MYO15A: variants seen among roughly 807,000 people sequenced by gnomAD.
MYO15A encodes the protein unconventional myosin-XV.
A neutral mutation model predicts 394.6 loss-of-function variants in MYO15A; 308 were observed. The observed-to-expected ratio is 0.78, with a 90% CI of 0.71 to 0.86. The LOEUF (loss-of-function observed/expected upper bound fraction) is 0.86. MYO15A is among the 40% of genes least tolerant of loss of function. MYO15A has a pLI of 0.00. For missense variants in MYO15A, 4,606 were observed against 4,799.1 expected (o/e 0.96, Z 1.19); for synonymous variants, 1,957 against 2,003.8 (o/e 0.98, Z 0.62).
chr17:18,173,507 C>G (rs1473371842), intron 64 of MYO15A: 1 of 483,522 alleles, frequency 2.1e-6, no homozygotes, highest in Non-Finnish European at 3.8e-6. Flanking sequence ...CAATACCTCT[C>G]TATCCCAAGC....
intron 12 of MYO15A, among the ~76,000 whole-genome samples, 182 bp from the exon 13 acceptor site, chr17:18,135,529 C>T (rs9907141): frequency 1.7e-4 from 26 of 151,966 alleles, no homozygotes; most frequent in African/African-American, 4.4e-4. Flanking sequence ...TTAGTAGAGA[C>T]GGGGTTTCTC....
intron 52 of MYO15A, 133 bp downstream of exon 52, chr17:18,158,771 C>T (rs2046728342): frequency 1.4e-6 from 2 of 1,380,622 alleles, no homozygotes; most frequent in Non-Finnish European, 2.1e-6. Flanking sequence ...AGGTGTGAGG[C>T]TCATTTCAGT....
At chr17:18,134,309 T>C (rs1454071650) in intron 12 of MYO15A, among the ~76,000 whole-genome samples, 29 of 152,226 alleles carry the variant, frequency 1.9e-4, no homozygotes, top group Admixed American at 1.9e-3. Flanking sequence ...TTTATGCAAA[T>C]TGTTTTAAAA....
At position 18,137,628 on chromosome 17, in the gene MYO15A, A is replaced by G. The variant is rs1275823677; in HGVS notation, c.4824A>G (p.Ala1608=). 1 of 1,614,102 alleles carries G rather than the reference A, an allele frequency of 6.2e-7. No individual in the cohort carries two copies. The highest frequency in any genetic ancestry group is 1.3e-5 in the African/African-American group (1 of 74,950). Residue 1608 remains alanine, a synonymous_variant, in exon 16 of 66, where the codon GCA becomes GCG. Transcript: ENST00000647165. ...TTGAGCAGCTGTGTATTAACTACGC[A>G]AACGAGAACCTTCAGTACCTTTTCA... is the stretch of plus-strand genomic sequence containing the variant. The part of the protein sequence containing the change: ...NSFEQLCINY[A]NENLQYLFNK...
At position 18,148,829 on chromosome 17, in the gene MYO15A, C is replaced by G; in HGVS notation, c.6833C>G (p.Ala2278Gly). ...MKNGVQWAEL[A>G]GHDYVLDLVS... The stretch of plus-strand genomic sequence containing the variant: ...AATGGTGTCCAGTGGGCAGAGCTGG[C>G]TGGCCACGACTACGTGTTAGACCTG... The change falls in exon 33 of 66, where the codon GCT becomes GGT. Residue 2278 changes from alanine to glycine, a missense_variant. Coordinates refer to ENST00000647165, the MANE Select transcript of MYO15A (RefSeq NM_016239.4). This position sits in a 1 kb window ranked among gnomAD's most constrained non-coding sequence, Gnocchi z 4.8. 1.2e-6 allele frequency: 2 copies of G among 1,605,936 alleles called. No homozygotes were observed. The highest frequency in any genetic ancestry group is 1.7e-6 in the Non-Finnish European group (2 of 1,176,140).
chr17:18,157,102 G>A, intron 49 of MYO15A, 37 bp downstream of exon 49: 2 of 1,612,600 alleles, frequency 1.2e-6, no homozygotes, highest in East Asian at 2.2e-5. Context: ...GCAGGAGGGG[G>A]AGGCTGGCCA....
intron 57 of MYO15A, 40 bp downstream of exon 57, chr17:18,161,487 C>G: frequency 6.2e-7 from 1 of 1,610,100 alleles, no homozygotes; most frequent in Non-Finnish European, 8.5e-7. Flanking sequence ...CTGCATGCTT[C>G]TCCCTTGGGG....
rs770606565 is a variant in MYO15A, at chr17:18,154,748, C to T, written c.8217C>T (p.Ala2739=). The change falls in exon 45 of 66, where the codon GCC becomes GCT. Residue 2739 remains alanine (A), a synonymous_variant. Transcript: ENST00000647165. The stretch of plus-strand genomic sequence containing the variant: ...AGGATGAGAGGCTCAGGATGAAGGC[C>T]TTGTTTGGTATCTCGGGGGAGAGGA... ...ISEDERLRMK[A]LFAQNQLDTQ... 3 of 1,613,580 alleles carry T rather than the reference C, an allele frequency of 1.9e-6. No homozygotes were observed. The highest frequency in any genetic ancestry group is 3.3e-4 in the Middle Eastern group (2 of 6,058).
At position 18,139,428 on chromosome 17, in the gene MYO15A, G is replaced by A. The variant is rs2046338462; in HGVS notation, c.5134-106G>A. 2.7e-5 allele frequency: 35 copies of A among 1,295,740 alleles called. No individual in the cohort carries two copies. The South Asian group carries it at 4.5e-4, about 17-fold the overall frequency. 80.3% of individuals were successfully genotyped at this position (1,295,740 alleles called of 1,614,324 possible). ...TCCCCCAGGAGTAGGGAGAATGGTGGGGGCTGGAGGGGTGGGGACCATAGA... is the reference window on the plus strand; with the variant it reads ...TCCCCCAGGAGTAGGGAGAATGGTGAGGGCTGGAGGGGTGGGGACCATAGA... On this transcript the variant is annotated intron_variant, in intron 18 of 65. Transcript: ENST00000647165.
At chr17:18,114,928 T>G (rs1202949048) in intron 1 of MYO15A, among the ~76,000 whole-genome samples, 1 of 152,188 alleles carries the variant, frequency 6.6e-6, no homozygotes, top group Admixed American at 6.5e-5. Flanking sequence ...CAATGCCATC[T>G]AGATGCCAAT....
In MYO15A at chr17:18,158,950, G is replaced by A. The variant is rs2046732267; in HGVS notation, c.9109G>A (p.Glu3037Lys). The change falls in exon 53 of 66, where the codon GAG becomes AAG. Residue 3037 changes from glutamate to lysine, a missense_variant. This residue lies in a region of MYO15A where 2,776 missense variants were observed against 3,109.3 expected (regional missense o/e 0.89). Coordinates refer to ENST00000647165, the MANE Select transcript of MYO15A (RefSeq NM_016239.4). ...PQDGLRLKSK[E>K]PRESRTLEDM... ...GGATGGCCTCAGGCTGAAATCCAAG[G>A]AGCCTCGGGAGTCCAGAACCTTGGA... 3.1e-6 allele frequency: 5 copies of A among 1,614,026 alleles called. No homozygotes were observed. In the South Asian group the frequency reaches 4.4e-5, roughly 14 times the overall value.
intron 44 of MYO15A, 31 bp downstream of exon 44, chr17:18,154,221 T>C: frequency 6.2e-7 from 1 of 1,612,394 alleles, no homozygotes; most frequent in African/African-American, 1.3e-5. Context: ...TCTGCCTCAG[T>C]GAACTCAGCA....
At position 18,152,149 on chromosome 17, in the gene MYO15A, C is replaced by G; in HGVS notation, c.7931C>G (p.Thr2644Ser). Residue 2644 changes from threonine to serine, a missense_variant, in exon 42 of 66, where the codon ACC becomes AGC. Physicochemically the swap from Thr to Ser is moderately conservative, Grantham distance 58 (BLOSUM62 1). Around this residue, in one of 2 missense-constraint regions of MYO15A, gnomAD observed 2,776 missense variants for 3,109.3 expected, o/e 0.89. Transcript: ENST00000647165. ...GCCGTGGCCCTGGTGAAGCCGGTGACCAGTGCACCAAGGCCATCCATGGCA... is the reference window on the plus strand; with the variant it reads ...GCCGTGGCCCTGGTGAAGCCGGTGAGCAGTGCACCAAGGCCATCCATGGCA... ...REAVALVKPV[T>S]SAPRPSMAPT... 1 of 1,551,716 alleles carries G rather than the reference C, an allele frequency of 6.4e-7. No individual in the cohort carries two copies. The highest frequency in any genetic ancestry group is 2.4e-5 in the East Asian group (1 of 41,026).
At position 18,167,658 on chromosome 17, in the gene MYO15A, G is replaced by A; in HGVS notation, c.10017G>A (p.Leu3339=). The A allele has an allele frequency of 6.2e-7, 1 of 1,604,436 alleles. No individual in the cohort carries two copies. The highest frequency in any genetic ancestry group is 8.5e-7 in the Non-Finnish European group (1 of 1,179,968). The change falls in exon 62 of 66, where the codon CTG becomes CTA. Residue 3339 remains leucine, a synonymous_variant. Transcript: ENST00000647165. The stretch of plus-strand genomic sequence containing the variant: ...CCAGCCGGCCCAGCGAGCAGCTGCT[G>A]CAGCAGGTGTCCAAGCTGGCTTCAC... ...VPASRPSEQL[L]QQVSKLASLQ...
chr17:18,154,149 A>C lies in MYO15A; in HGVS notation c.8107A>C (p.Ser2703Arg). ...CCTGCAGGTGTTTTACCCCAAGGAC[A>C]GCTACAGCCATCCTGTGCAGCTTGA... Reference protein sequence around the residue: ...LRKEVFYPKDSYSHPVQLDLL... With the variant: ...LRKEVFYPKDRYSHPVQLDLL... Residue 2703 changes from serine (S) to arginine (R), a missense_variant, in exon 44 of 66, where the codon AGC (serine) becomes CGC (arginine). Ser to Arg is a moderately radical substitution (Grantham distance 110, BLOSUM62 -1). Around this residue, in one of 2 missense-constraint regions of MYO15A, gnomAD observed 2,776 missense variants for 3,109.3 expected, o/e 0.89. Transcript: ENST00000647165. The C allele has an allele frequency of 6.2e-7, 1 of 1,614,068 alleles. No homozygotes were observed. The highest frequency in any genetic ancestry group is 2.2e-5 in the East Asian group (1 of 44,878).
Position 18,133,402 on chromosome 17 carries a change from A to G in MYO15A, c.4482+16A>G, listed in dbSNP as rs1468293194. On this transcript the variant is annotated intron_variant, in intron 12 of 65. Coordinates refer to ENST00000647165, the MANE Select transcript of MYO15A (RefSeq NM_016239.4). ...GAAGTATGAGGTGAGGGGACGCCAC[A>G]GCCTGCCATGGGGCCCGCACCCTCT... 6 of 1,613,632 alleles carry G rather than the reference A, an allele frequency of 3.7e-6. No homozygotes were observed. The highest frequency in any genetic ancestry group is 2.7e-5 in the African/African-American group (2 of 74,942).
Position 18,171,671 on chromosome 17 carries a change from C to A in MYO15A, c.10116C>A (p.Leu3372=), listed in dbSNP as rs2046942334. The A allele has an allele frequency of 6.2e-7, 1 of 1,613,774 alleles. No homozygotes were observed. The highest frequency in any genetic ancestry group is 8.5e-7 in the Non-Finnish European group (1 of 1,180,042). ...REVQEYIPAQ[L]YRTTAGSTWL... is the part of the protein sequence containing the mutation. ...TCCAGGAGTACATCCCAGCCCAGCT[C>A]TACCGTACAACGGCAGGCTCGACCT... Residue 3372 remains leucine (L), a synonymous_variant, in exon 63 of 66, where the codon CTC becomes CTA. Transcript: ENST00000647165.
chr17:18,177,094 C>T (rs1345311242), intron 65 of MYO15A: 3 of 152,228 alleles, frequency 2.0e-5, no homozygotes, highest in South Asian at 2.1e-4. Context: ...TTATGCTGCC[C>T]TCTCTGCCTC....
Position 18,143,607 on chromosome 17 carries a change from G to T in MYO15A, c.5952G>T (p.Leu1984=), listed in dbSNP as rs1237933101. ...EWRCQVEGAL[L]WEQEELSKRE... ...GGTGCCAGGTGGAGGGGGCGCTGCTGTGGGAGCAGGAGGTGGGTGTGGGTC... is the reference window on the plus strand; with the variant it reads ...GGTGCCAGGTGGAGGGGGCGCTGCTTTGGGAGCAGGAGGTGGGTGTGGGTC... Residue 1984 remains leucine, a synonymous_variant, in exon 26 of 66, where the codon CTG becomes CTT. Transcript: ENST00000647165. The T allele has an allele frequency of 1.3e-6, 2 of 1,567,178 alleles. No homozygotes were observed. Among genetic ancestry groups the T allele is most frequent in the Non-Finnish European group, 1.7e-6 (2 of 1,155,448 alleles).
Sources: allele counts gnomAD v4.1 joint callset (sites outside exome capture counted in the v4.1 genomes callset), GRCh38; gene constraint gnomAD v4.1.1; regional missense constraint gnomAD v4.1.1; non-coding constraint Gnocchi (gnomAD v3.1); transcripts MANE v1.5; gene names NCBI Gene and HGNC (gene_info 2026-07-23, HGNC 2026-07-21).